Variants in SBK1 observed in about 807,000 individuals in gnomAD.
SBK1 encodes SH3 domain binding kinase 1.
A neutral mutation model predicts 24.4 loss-of-function variants in SBK1; 11 were observed. The ratio of observed to expected loss-of-function variants is 0.45; its 90% confidence interval spans 0.28 to 0.75. The LOEUF (loss-of-function observed/expected upper bound fraction) is 0.75. SBK1 is among the 30% of genes least tolerant of loss of function. The pLI, the probability that SBK1 is intolerant of heterozygous loss-of-function variation, is 0.12. For synonymous variants in SBK1, 308 were observed against 284.4 expected (o/e 1.08, Z -0.83); for missense variants, 467 against 620.5 (o/e 0.75, Z 2.63).
intron 1 of SBK1, among the ~76,000 whole-genome samples, chr16:28,296,684 C>T (rs556721675): frequency 5.9e-5 from 9 of 152,278 alleles, no homozygotes; most frequent in Admixed American, 3.9e-4. Flanking sequence ...TGAACTTCTC[C>T]AGCCTGGTTC....
At chr16:28,315,843 G>T (rs1367823513) in intron 1 of SBK1, among the ~76,000 whole-genome samples, 1 of 152,098 alleles carries the variant, frequency 6.6e-6, no homozygotes, top group Non-Finnish European at 1.5e-5. Flanking sequence ...TCTGCTCACT[G>T]CAGCCTCCAC....
At chr16:28,266,795 G>A (rs1271456740) in intron 1 of SBK1, among the ~76,000 whole-genome samples, 3 of 148,788 alleles carry the variant, frequency 2.0e-5, no homozygotes, top group Non-Finnish European at 4.4e-5. Flanking sequence ...AGGCAGAAGT[G>A]CAATGGCCCA....
chr16:28,304,809 C>T (rs1258083561), intron 1 of SBK1, among the ~76,000 whole-genome samples: 4 of 152,116 alleles, frequency 2.6e-5, no homozygotes, highest in East Asian at 1.9e-4. Context: ...GGGGTTTCAC[C>T]GTGTTAGCCA....
chr16:28,272,289 C>T (rs1046368881), intron 1 of SBK1, among the ~76,000 whole-genome samples: 2 of 152,070 alleles, frequency 1.3e-5, no homozygotes, highest in African/African-American at 4.8e-5. Context: ...AGGCTGGTTT[C>T]GAACTCCTGG....
At chr16:28,306,096 T>C (rs765011310) in intron 1 of SBK1, among the ~76,000 whole-genome samples, 1 of 151,874 alleles carries the variant, frequency 6.6e-6, no homozygotes, top group Non-Finnish European at 1.5e-5. Context: ...CTGTGACTTG[T>C]TCAGAGATGA....
rs1301309655 is a variant in SBK1 at position 28,321,299 on chromosome 16, G to C, written c.*378G>C. The stretch of plus-strand genomic sequence containing the variant: ...GACGCCTCCCTGAGCCCTGGAACCC[G>C]GACTCGTTGCTCCTGGCCTTCCATA... On this transcript the variant is annotated 3_prime_UTR_variant, in exon 4 of 4. Transcript: ENST00000341901. 1 of 160,604 alleles carries C rather than the reference G, an allele frequency of 6.2e-6. No homozygotes were observed. Among genetic ancestry groups the C allele is most frequent in the African/African-American group, 2.4e-5 (1 of 41,240 alleles). 9.9% of individuals were successfully genotyped at this position (160,604 alleles called of 1,614,324 possible). A position where few individuals can be genotyped will look rare whatever the true frequency, so the allele number is the denominator to read the frequency against.
At chr16:28,279,386 C>G (rs1423210729) in intron 1 of SBK1, among the ~76,000 whole-genome samples, 4 of 101,052 alleles carry the variant, frequency 4.0e-5, no homozygotes, top group Admixed American at 1.5e-4. Context: ...GACAACAGAG[C>G]AAGATCTGGT....
At chr16:28,305,127 C>T (rs1222893370) in intron 1 of SBK1, among the ~76,000 whole-genome samples, 1 of 152,090 alleles carries the variant, frequency 6.6e-6, no homozygotes, top group Non-Finnish European at 1.5e-5. Flanking sequence ...GCTGAATTCC[C>T]TTAGCCTGCA....
At chr16:28,313,242 C>A (rs1285266202) in intron 1 of SBK1, among the ~76,000 whole-genome samples, 1 of 151,948 alleles carries the variant, frequency 6.6e-6, no homozygotes, top group African/African-American at 2.4e-5. Flanking sequence ...CTTCAGTGAG[C>A]CATGGGGGCA....
intron 1 of SBK1, among the ~76,000 whole-genome samples, chr16:28,308,555 T>C (rs1233615604): frequency 7.3e-6 from 1 of 136,164 alleles, no homozygotes; most frequent in Non-Finnish European, 1.5e-5. Flanking sequence ...CCCAAGTATC[T>C]GGGACTATAG....
chr16:28,320,576 C>T lies in SBK1; in HGVS notation c.930C>T (p.Phe310=), dbSNP rs368137529. 439 of 1,530,540 alleles carry T rather than the reference C, an allele frequency of 2.9e-4. No homozygotes were observed. Among genetic ancestry groups the T allele is most frequent in the Non-Finnish European group, 3.5e-4 (402 of 1,145,716 alleles). The allele number at this position is 1,530,540 out of a possible 1,614,324, so 94.8% of individuals were successfully genotyped here. A position where few individuals can be genotyped will look rare whatever the true frequency, so the allele number is the denominator to read the frequency against. ...PERRGPAKEV[F]RFLKHELTSE... ...GCCGCGGCCCAGCCAAGGAGGTGTT[C>T]CGCTTCCTCAAGCACGAGCTCACGT... The change falls in exon 4 of 4, where the codon TTC becomes TTT. Residue 310 remains phenylalanine, a synonymous_variant. Coordinates refer to ENST00000341901, the MANE Select transcript of SBK1 (RefSeq NM_001024401.3). This position sits in a 1 kb window ranked among gnomAD's most constrained non-coding sequence, Gnocchi z 8.5.
At chr16:28,280,909 C>T (rs2044529579) in intron 1 of SBK1, among the ~76,000 whole-genome samples, 1 of 152,126 alleles carries the variant, frequency 6.6e-6, no homozygotes, top group African/African-American at 2.4e-5. Flanking sequence ...AGGTGATCCA[C>T]CTGCCTCAGC....
chr16:28,313,597 T>TA (rs61145714), intron 1 of SBK1, among the ~76,000 whole-genome samples: 79,404 of 134,842 alleles, frequency 0.59, 24,644 homozygotes, highest in South Asian at 0.79. Flanking sequence ...TACCCTGTCT[T>TA]AAAAAAAAAA....
At chr16:28,297,341 A>C (rs1292586225) in intron 1 of SBK1, among the ~76,000 whole-genome samples, 2 of 152,194 alleles carry the variant, frequency 1.3e-5, no homozygotes, top group Non-Finnish European at 2.9e-5. Flanking sequence ...AAAAAAAAAG[A>C]AACAAAAGTT....
At chr16:28,301,727 T>A (rs555853480) in intron 1 of SBK1, among the ~76,000 whole-genome samples, 10 of 152,072 alleles carry the variant, frequency 6.6e-5, no homozygotes, top group Non-Finnish European at 1.5e-4. Context: ...ACCTGCAGAG[T>A]CAACGACAGA....
chr16:28,267,243 G>A (rs1398075965), intron 1 of SBK1, among the ~76,000 whole-genome samples: 2 of 152,054 alleles, frequency 1.3e-5, no homozygotes, highest in Admixed American at 6.6e-5. Context: ...GGTGGGGGGA[G>A]GCGGAGGCAT....
In SBK1 at chr16:28,309,758, A is replaced by AC. The variant is rs978770777; in HGVS notation, c.-7-7620dup. Among the ~76,000 whole-genome samples the AC allele has an allele frequency of 7.5e-4, 114 of 151,714 alleles. 1 individual carries two copies. The highest frequency in any genetic ancestry group is 2.4e-3 in the African/African-American group (101 of 41,318). The stretch of plus-strand genomic sequence containing the variant: ...TTAAAAAAATAAAATAATAGGAAGC[A>AC]CCCCCCCTTCTCAGGGGTTTTGTGA... On this transcript the variant is annotated intron_variant, in intron 1 of 3. Transcript: ENST00000341901.
At chr16:28,266,147 A>G (rs1336606422) in intron 1 of SBK1, among the ~76,000 whole-genome samples, 2 of 152,090 alleles carry the variant, frequency 1.3e-5, no homozygotes, top group African/African-American at 4.8e-5. Context: ...CTGAGGCAGA[A>G]GGATCACTGG....
chr16:28,321,037 C>A lies in SBK1; in HGVS notation c.*116C>A. 1 of 992,170 alleles carries A rather than the reference C, an allele frequency of 1.0e-6. No individual in the cohort carries two copies. The highest frequency in any genetic ancestry group is 1.3e-6 in the Non-Finnish European group (1 of 756,270). The allele number at this position is 992,170 out of a possible 1,614,324, so 61.5% of individuals were successfully genotyped here. A position where few individuals can be genotyped will look rare whatever the true frequency, so the allele number is the denominator to read the frequency against. ...GCGGGGCAGGGGGCGCAGCGGTAGA[C>A]TAGGCAGGACGCGGCCCGGCACCTG... On this transcript the variant is annotated 3_prime_UTR_variant, in exon 4 of 4. Transcript: ENST00000341901.
Sources: gnomAD v4.1 joint callset for allele counts (sites outside exome capture counted in the v4.1 genomes callset) on GRCh38, gnomAD v4.1.1 for gene constraint, Gnocchi (gnomAD v3.1) non-coding constraint, MANE v1.5 for transcripts, NCBI Gene and HGNC (gene_info 2026-07-23, HGNC 2026-07-21) for gene names.